PPM1H: variants seen among roughly 807,000 people sequenced by gnomAD.
PPM1H encodes the protein protein phosphatase 1H.
PPM1H carries 27 observed loss-of-function variants against 54.9 expected under a neutral mutation model. The ratio of observed to expected loss-of-function variants is 0.49; its 90% CI spans 0.36 to 0.68. PPM1H has a LOEUF of 0.68. Among genes scored for constraint, PPM1H ranks in the 30% least tolerant of loss-of-function variants. PPM1H has a pLI of 0.00. For synonymous variants in PPM1H, 305 were observed against 270.8 expected, an observed-to-expected ratio of 1.13 and a Z score of -1.24; for missense variants, 596 against 667.8, an observed-to-expected ratio of 0.89 and a Z score of 1.19.
At chr12:62,705,277 T>C (rs1385412086) in intron 6 of PPM1H, among the ~76,000 whole-genome samples, 1 of 152,204 alleles carries the variant, frequency 6.6e-6, no homozygotes, top group East Asian at 1.9e-4. Flanking sequence ...AGCTCAAAGT[T>C]TGGTAGAAGA....
intron 1 of PPM1H, among the ~76,000 whole-genome samples, chr12:62,918,252 A>G (rs1212148537): frequency 1.3e-5 from 2 of 152,212 alleles, no homozygotes; most frequent in Non-Finnish European, 2.9e-5. Context: ...CCCCAGCACC[A>G]TGCTACTCCT....
At chr12:62,859,076 A>G (rs942705199) in intron 1 of PPM1H, among the ~76,000 whole-genome samples, 1 of 152,220 alleles carries the variant, frequency 6.6e-6, no homozygotes, top group African/African-American at 2.4e-5. Context: ...AATTACCATA[A>G]TGGATACATA....
At chr12:62,860,921 T>C (rs1360575509) in intron 1 of PPM1H, among the ~76,000 whole-genome samples, 2 of 152,192 alleles carry the variant, frequency 1.3e-5, no homozygotes, top group African/African-American at 4.8e-5. Context: ...TCGTGTTTTA[T>C]CATTTACCCA....
At chr12:62,817,297 C>T (rs1182231560) in intron 2 of PPM1H, among the ~76,000 whole-genome samples, 1 of 151,266 alleles carries the variant, frequency 6.6e-6, no homozygotes. Context: ...CCCGTCTCTA[C>T]TAAAAATACA....
Position 62,844,279 on chromosome 12 carries a change from T to G in PPM1H, c.246-12000A>C, listed in dbSNP as rs1420693643. ...CAGCACTTTCTGTACAAAGCCAGTA[T>G]GTAACATTACAGTGATTTGCTTAGT... On this transcript the variant is annotated intron_variant, in intron 1 of 9. Coordinates refer to ENST00000228705, the MANE Select transcript of PPM1H (RefSeq NM_020700.2). This position sits in a 1 kb window ranked among gnomAD's most constrained non-coding sequence, Gnocchi z 5.2. Among the ~76,000 whole-genome samples, 1 of 152,210 alleles carries G rather than the reference T, an allele frequency of 6.6e-6. No homozygotes were observed. The highest frequency in any genetic ancestry group is 3.2e-3 in the Middle Eastern group (1 of 316).
intron 1 of PPM1H, among the ~76,000 whole-genome samples, chr12:62,915,819 G>A (rs981783981): frequency 6.6e-5 from 10 of 152,178 alleles, no homozygotes; most frequent in African/African-American, 1.9e-4. Flanking sequence ...CAGGCTCCAC[G>A]TGGGGATTCT....
At chr12:62,755,816 T>A (rs1592581998) in intron 4 of PPM1H, 1 of 869,528 alleles carries the variant, frequency 1.2e-6, no homozygotes, top group Non-Finnish European at 1.9e-6. Flanking sequence ...GAAACTGTGG[T>A]GTGACAGCCA....
At position 62,860,230 on chromosome 12, in the gene PPM1H, G is replaced by A. The variant is rs188168613; in HGVS notation, c.246-27951C>T. On this transcript the variant is annotated intron_variant, in intron 1 of 9. Transcript: ENST00000228705. Reference sequence around the variant, plus strand: ...TATAAAACCATTACCATTAGATCTCGTGAGAACTCACTATCATGCAGACAG... The same window carrying A: ...TATAAAACCATTACCATTAGATCTCATGAGAACTCACTATCATGCAGACAG... 1.0e-3 allele frequency among the ~76,000 whole-genome samples: 155 copies of A among 152,172 alleles called. 1 individual carries two copies. The highest frequency in any genetic ancestry group is 3.2e-3 in the African/African-American group (131 of 41,544).
intron 9 of PPM1H, chr12:62,658,792 A>T: frequency 2.2e-6 from 1 of 462,396 alleles, no homozygotes. Flanking sequence ...AGAAAGAAAG[A>T]AAGAGGGGCC....
intron 7 of PPM1H, among the ~76,000 whole-genome samples, chr12:62,691,965 C>T (rs764907827): frequency 1.7e-4 from 26 of 152,142 alleles, no homozygotes; most frequent in Non-Finnish European, 3.1e-4. Flanking sequence ...CCTGAAATGG[C>T]GGCTTCTCTG....
chr12:62,667,881 A>G (rs1334080132), intron 8 of PPM1H, among the ~76,000 whole-genome samples: 1 of 152,114 alleles, frequency 6.6e-6, no homozygotes, highest in East Asian at 1.9e-4. Context: ...TATTTAATGC[A>G]CTCACTTGAA....
chr12:62,862,226 C>T (rs1358075675), intron 1 of PPM1H, among the ~76,000 whole-genome samples: 2 of 152,024 alleles, frequency 1.3e-5, no homozygotes, highest in Non-Finnish European at 2.9e-5. Context: ...ATGGAGAAGT[C>T]GGGGGTTAGG....
At chr12:62,721,642 T>C (rs1342696729) in intron 5 of PPM1H, among the ~76,000 whole-genome samples, 2 of 152,154 alleles carry the variant, frequency 1.3e-5, no homozygotes, top group East Asian at 3.9e-4. Flanking sequence ...TAACACTTAA[T>C]AGGTCAGGTC....
rs1017303584 is a variant in PPM1H at position 62,930,304 on chromosome 12, T to C, written c.245+4188A>G. Reference sequence around the variant, plus strand: ...ACAGACACTCTCAAAGTAGCTTTTGTTTCTACTTATGTCCAGGGGTACTTT... The same window carrying C: ...ACAGACACTCTCAAAGTAGCTTTTGCTTCTACTTATGTCCAGGGGTACTTT... On this transcript the variant is annotated intron_variant, in intron 1 of 9. Transcript: ENST00000228705. Among the ~76,000 whole-genome samples the C allele has an allele frequency of 5.3e-5, 8 of 152,222 alleles. No individual in the cohort carries two copies. The East Asian group carries it at 1.5e-3, about 29-fold the overall frequency.
At chr12:62,832,340 T>C in intron 1 of PPM1H, 61 bp from the exon 2 acceptor site, 12 of 1,506,410 alleles carry the variant, frequency 8.0e-6, no homozygotes, top group Non-Finnish European at 1.1e-5. Flanking sequence ...CACAGTCCCT[T>C]GTCAAGGGTC....
chr12:62,723,607 A>C (rs1294170738), intron 5 of PPM1H, among the ~76,000 whole-genome samples: 1 of 152,170 alleles, frequency 6.6e-6, no homozygotes, highest in Non-Finnish European at 1.5e-5. Context: ...AAACAGAGCA[A>C]GAAAGCCCTT....
chr12:62,737,644 A>C (rs982054557), intron 4 of PPM1H, 58 bp from the exon 5 acceptor site: 9 of 1,249,214 alleles, frequency 7.2e-6, no homozygotes, highest in African/African-American at 1.5e-5. Flanking sequence ...TGATTCTGTT[A>C]CAACCATTGC....
intron 4 of PPM1H, among the ~76,000 whole-genome samples, chr12:62,775,197 G>C (rs1452347639): frequency 1.3e-5 from 2 of 152,226 alleles, no homozygotes; most frequent in Non-Finnish European, 2.9e-5. Flanking sequence ...GTGTACAAGA[G>C]TGACTCAATT....
intron 1 of PPM1H, among the ~76,000 whole-genome samples, chr12:62,862,041 C>T (rs1332880894): frequency 6.6e-6 from 1 of 152,194 alleles, no homozygotes; most frequent in African/African-American, 2.4e-5. Context: ...CCAACATTTC[C>T]TGTGTTACCC....
Sources: gnomAD v4.1 joint callset for allele counts (sites outside exome capture counted in the v4.1 genomes callset) on GRCh38, gnomAD v4.1.1 for gene constraint, Gnocchi (gnomAD v3.1) non-coding constraint, MANE v1.5 for transcripts, NCBI Gene and HGNC (gene_info 2026-07-23, HGNC 2026-07-21) for gene names.